Variants in SHISA9 observed in about 807,000 individuals in gnomAD.
SHISA9 encodes the protein protein shisa-9.
SHISA9 carries 13 observed loss-of-function variants against 38.0 expected under a neutral mutation model. The observed-to-expected ratio is 0.34, with a 90% CI of 0.22 to 0.54. SHISA9 has a LOEUF of 0.54. SHISA9 is among the 20% of genes least tolerant of loss of function. SHISA9 has a pLI of 0.91. For missense variants in SHISA9, 538 were observed against 575.8 expected (o/e 0.93, Z 0.67); for synonymous variants, 275 against 242.0 (o/e 1.14, Z -1.27).
At chr16:13,453,709 C>A in the SHISA9 span, among the ~76,000 whole-genome samples, 1 of 152,186 alleles carries the variant, frequency 6.6e-6, no homozygotes, top group Non-Finnish European at 1.5e-5. Context: ...TTGTTTTAAG[C>A]CACTACATTT....
At chr16:13,320,983 T>G in the SHISA9 span, among the ~76,000 whole-genome samples, 1 of 152,226 alleles carries the variant, frequency 6.6e-6, no homozygotes, top group Non-Finnish European at 1.5e-5. Flanking sequence ...TGGTAGCCGT[T>G]AACCAGATGA....
the SHISA9 span, among the ~76,000 whole-genome samples, chr16:13,413,071 C>T: frequency 2.0e-5 from 3 of 152,100 alleles, no homozygotes; most frequent in Non-Finnish European, 4.4e-5. Flanking sequence ...ATTAACTCAC[C>T]TAGATCAGAT....
the SHISA9 span, among the ~76,000 whole-genome samples, chr16:13,372,383 C>G: frequency 6.6e-6 from 1 of 152,288 alleles, no homozygotes; most frequent in South Asian, 2.1e-4. Flanking sequence ...TATATTCAGT[C>G]TATCTAAGGT....
chr16:13,224,539 T>G (rs1312650707), intron 4 of SHISA9, among the ~76,000 whole-genome samples: 2 of 152,198 alleles, frequency 1.3e-5, no homozygotes, highest in Non-Finnish European at 2.9e-5. Context: ...CCTTCTTTCA[T>G]CACGTGCATA....
intron 2 of SHISA9, among the ~76,000 whole-genome samples, chr16:13,162,172 T>A (rs2050600662): frequency 6.6e-6 from 1 of 152,102 alleles, no homozygotes; most frequent in South Asian, 2.1e-4. Context: ...AAGGTGGGTA[T>A]TCAGAGGGGG....
At chr16:13,355,865 C>T in the SHISA9 span, among the ~76,000 whole-genome samples, 1 of 152,192 alleles carries the variant, frequency 6.6e-6, no homozygotes. Context: ...GGGAAGGAGT[C>T]AGTCAGAAAG....
intron 2 of SHISA9, among the ~76,000 whole-genome samples, chr16:13,162,657 C>A (rs142082769): frequency 6.6e-6 from 1 of 152,120 alleles, no homozygotes; most frequent in Admixed American, 6.5e-5. Context: ...ACACACAGGA[C>A]TTTATTATAA....
At chr16:12,949,818 GT>G (rs1306228484) in intron 2 of SHISA9, among the ~76,000 whole-genome samples, 4 of 152,114 alleles carry the variant, frequency 2.6e-5, no homozygotes, top group Non-Finnish European at 4.4e-5. Context: ...TCAAATAATA[GT>G]AATTAGGACA....
chr16:12,938,380 T>A (rs541334843), intron 2 of SHISA9, among the ~76,000 whole-genome samples: 33 of 152,336 alleles, frequency 2.2e-4, no homozygotes, highest in African/African-American at 7.0e-4. Context: ...CTCAGCTCCT[T>A]ATAATCGATC....
intron 2 of SHISA9, among the ~76,000 whole-genome samples, chr16:13,013,739 T>A (rs906746516): frequency 1.3e-5 from 2 of 152,130 alleles, no homozygotes; most frequent in African/African-American, 4.8e-5. Context: ...ATACCTTTTT[T>A]TTTTTTGAGA....
chr16:13,168,523 C>T (rs941248642), intron 2 of SHISA9, among the ~76,000 whole-genome samples: 2 of 152,198 alleles, frequency 1.3e-5, no homozygotes, highest in Non-Finnish European at 2.9e-5. Context: ...ATGTAGTCTT[C>T]TTAGGTGCCC....
intron 2 of SHISA9, among the ~76,000 whole-genome samples, chr16:12,939,703 C>T (rs1278950164): frequency 6.6e-6 from 1 of 152,222 alleles, no homozygotes; most frequent in East Asian, 1.9e-4. Context: ...CTTTCCCCAT[C>T]ACCTGCCTCT....
chr16:13,078,870 G>T (rs1214943048), intron 2 of SHISA9, among the ~76,000 whole-genome samples: 1 of 152,170 alleles, frequency 6.6e-6, no homozygotes, highest in African/African-American at 2.4e-5. Flanking sequence ...GGCAGTGGGG[G>T]TGCTCACAGT....
intron 2 of SHISA9, among the ~76,000 whole-genome samples, chr16:12,919,167 C>A (rs1258601079): frequency 7.1e-6 from 1 of 140,492 alleles, no homozygotes; most frequent in Non-Finnish European, 1.6e-5. Flanking sequence ...CATCAGAGAA[C>A]ATTTTGATTG....
At chr16:13,113,729 C>A (rs1371533313) in intron 2 of SHISA9, among the ~76,000 whole-genome samples, 1 of 152,164 alleles carries the variant, frequency 6.6e-6, no homozygotes, top group Non-Finnish European at 1.5e-5. Context: ...ATTTGTTTGC[C>A]TTTTCTGGCT....
At chr16:13,412,752 G>A in the SHISA9 span, among the ~76,000 whole-genome samples, 4 of 151,630 alleles carry the variant, frequency 2.6e-5, no homozygotes, top group South Asian at 4.1e-4. Context: ...AGGTACTTGG[G>A]ATGCTGAGGT....
intron 2 of SHISA9, among the ~76,000 whole-genome samples, chr16:12,997,587 G>A (rs1392286926): frequency 6.6e-6 from 1 of 151,700 alleles, no homozygotes; most frequent in African/African-American, 2.4e-5. Context: ...TTGTATTTTT[G>A]TAGAGATAGG....
At chr16:13,219,886 A>G (rs1223610922) in intron 4 of SHISA9, among the ~76,000 whole-genome samples, 2 of 152,172 alleles carry the variant, frequency 1.3e-5, no homozygotes, top group African/African-American at 4.8e-5. Context: ...TGAACCCAGG[A>G]GGCGGAGGTT....
At chr16:12,964,241 C>T (rs2141797561) in intron 2 of SHISA9, among the ~76,000 whole-genome samples, 1 of 152,306 alleles carries the variant, frequency 6.6e-6, no homozygotes, top group African/African-American at 2.4e-5. Context: ...GTTTTCACAC[C>T]TAGGGCTTTA....
Sources: allele counts gnomAD v4.1 joint callset (sites outside exome capture counted in the v4.1 genomes callset), GRCh38; gene constraint gnomAD v4.1.1; transcripts MANE v1.5; gene names NCBI Gene and HGNC (gene_info 2026-07-23, HGNC 2026-07-21).